STARD9: variants seen among roughly 807,000 people sequenced by gnomAD.
STARD9 encodes the protein StAR related lipid transfer domain containing 9.
In STARD9, 346 loss-of-function variants were observed where a neutral mutation model predicts 399.8. That is an observed-to-expected ratio of 0.87 (90% confidence interval 0.79 to 0.95). STARD9 has a LOEUF of 0.95. STARD9 is among the 40% of genes least tolerant of loss of function. The pLI is 0.00. For missense variants in STARD9, 5,832 were observed against 5,667.5 expected, an observed-to-expected ratio of 1.03 and a Z score of -0.93; for synonymous variants, 2,203 against 2,143.5, an observed-to-expected ratio of 1.03 and a Z score of -0.77.
intron 4 of STARD9, 130 bp downstream of exon 4, chr15:42,635,102 C>T (rs2059394770): frequency 3.8e-6 from 2 of 520,252 alleles, no homozygotes; most frequent in Non-Finnish European, 6.6e-6. Flanking sequence ...GAGCCTTCTT[C>T]TGTTTTAAGA....
At chr15:42,622,274 C>CA (rs1242766780) in intron 3 of STARD9, among the ~76,000 whole-genome samples, 1 of 151,840 alleles carries the variant, frequency 6.6e-6, no homozygotes, top group Non-Finnish European at 1.5e-5. Context: ...CCCTTAAAAA[C>CA]AAAAAACAAA....
At chr15:42,707,424 G>T (rs572375200) in intron 26 of STARD9, among the ~76,000 whole-genome samples, 2 of 151,676 alleles carry the variant, frequency 1.3e-5, no homozygotes, top group South Asian at 4.2e-4. Context: ...TGCAAGACTC[G>T]AAATCAGCAG....
intron 3 of STARD9, among the ~76,000 whole-genome samples, chr15:42,592,747 T>C (rs529460103): frequency 6.6e-6 from 1 of 152,270 alleles, no homozygotes; most frequent in African/African-American, 2.4e-5. Flanking sequence ...CCCAGCCAGC[T>C]TTCCATTCTT....
chr15:42,704,163 G>A (rs1321086033), intron 26 of STARD9, among the ~76,000 whole-genome samples: 1 of 151,982 alleles, frequency 6.6e-6, no homozygotes, highest in African/African-American at 2.4e-5. Flanking sequence ...TGCCTGCCTC[G>A]GCCTCCCAAA....
chr15:42,694,437 G>C (rs2060794094), intron 23 of STARD9, 91 bp from the exon 24 acceptor site: 1 of 1,524,674 alleles, frequency 6.6e-7, no homozygotes, highest in Non-Finnish European at 8.8e-7. Context: ...CCTCTGCCCT[G>C]GTTCATCTCT....
At chr15:42,580,325 C>G (rs1289003765) in intron 1 of STARD9, among the ~76,000 whole-genome samples, 1 of 152,086 alleles carries the variant, frequency 6.6e-6, no homozygotes, top group Non-Finnish European at 1.5e-5. Context: ...TTTTAAAGAC[C>G]CCAAGCCCAG....
At chr15:42,647,104 T>A (rs903312450) in intron 7 of STARD9, among the ~76,000 whole-genome samples, 3 of 152,196 alleles carry the variant, frequency 2.0e-5, no homozygotes, top group African/African-American at 7.2e-5. Context: ...ATAACAGATA[T>A]AATAATAATG....
At chr15:42,707,942 G>A (rs2140367520) in intron 26 of STARD9, among the ~76,000 whole-genome samples, 1 of 151,808 alleles carries the variant, frequency 6.6e-6, no homozygotes, top group Middle Eastern at 3.4e-3. Flanking sequence ...GGGAGGCTGA[G>A]GCAGGAGGAT....
rs1451274243 is a variant in STARD9, at chr15:42,684,798, A to G, written c.3220A>G (p.Thr1074Ala). ...CAGTCCTTTGAAGAGACAACAAAAT[A>G]CAAGGGACCCAGACACCATGGTCCC... ...LGSPLKRQQN[T>A]RDPDTMVPLT... Residue 1074 changes from threonine (T) to alanine (A), a missense_variant, in exon 23 of 33, where the codon ACA (threonine) becomes GCA (alanine). Thr to Ala is a moderately conservative substitution (Grantham distance 58). Transcript: ENST00000290607. 1 of 1,537,116 alleles carries G rather than the reference A, an allele frequency of 6.5e-7. No individual in the cohort carries two copies. The highest frequency in any genetic ancestry group is 1.4e-5 in the African/African-American group (1 of 73,050).
chr15:42,600,716 G>A (rs983029207), intron 3 of STARD9, among the ~76,000 whole-genome samples: 2 of 151,644 alleles, frequency 1.3e-5, no homozygotes, highest in African/African-American at 2.4e-5. Flanking sequence ...GTAAAGATGG[G>A]GTCTCTCCAT....
intron 26 of STARD9, among the ~76,000 whole-genome samples, chr15:42,702,885 G>A (rs946686791): frequency 2.0e-5 from 3 of 152,120 alleles, no homozygotes; most frequent in Admixed American, 6.5e-5. Context: ...GGTTTTTGCC[G>A]AGAAGTCTGC....
At chr15:42,706,807 A>G (rs1008876543) in intron 26 of STARD9, among the ~76,000 whole-genome samples, 2 of 152,302 alleles carry the variant, frequency 1.3e-5, no homozygotes, top group East Asian at 1.9e-4. Context: ...GAAATATCCA[A>G]CTATTCCTAC....
intron 20 of STARD9, among the ~76,000 whole-genome samples, chr15:42,680,491 T>C (rs2060406073): frequency 6.6e-6 from 1 of 151,992 alleles, no homozygotes; most frequent in Admixed American, 6.6e-5. Flanking sequence ...TCCCAGCTAC[T>C]TGGGAGGCTG....
chr15:42,649,929 C>T (rs1305505875), intron 7 of STARD9, among the ~76,000 whole-genome samples: 2 of 143,962 alleles, frequency 1.4e-5, no homozygotes, highest in Non-Finnish European at 3.0e-5. Flanking sequence ...TGCAATGGCG[C>T]GATCTCGACT....
intron 3 of STARD9, among the ~76,000 whole-genome samples, chr15:42,598,132 C>T (rs1050009111): frequency 1.3e-5 from 2 of 151,200 alleles, no homozygotes; most frequent in Non-Finnish European, 2.9e-5. Context: ...TCCGAGTTCA[C>T]GCCATTCTCC....
rs2060730057 is a variant in STARD9, at chr15:42,692,388, C to A, written c.10810C>A (p.Pro3604Thr). 1 of 1,536,834 alleles carries A rather than the reference C, an allele frequency of 6.5e-7. No individual in the cohort carries two copies. The highest frequency in any genetic ancestry group is 2.0e-5 in the Admixed American group (1 of 50,982). ...SGEADCLRSK[P>T]PLAKGSAAGP... ...TGAAGCAGACTGTCTGAGGAGTAAGCCCCCCTTGGCCAAAGGAAGTGCTGC... is the reference window on the plus strand; with the variant it reads ...TGAAGCAGACTGTCTGAGGAGTAAGACCCCCTTGGCCAAAGGAAGTGCTGC... Residue 3604 changes from proline to threonine, a missense_variant, in exon 23 of 33, where the codon CCC becomes ACC. Coordinates refer to ENST00000290607, the MANE Select transcript of STARD9 (RefSeq NM_020759.3).
In STARD9 at chr15:42,691,779, A is replaced by C; in HGVS notation, c.10201A>C (p.Lys3401Gln). ...TGGGACTACCGATCACAGGCACCTG[A>C]AGCCTGCCACCCCTCCTTATCCAAT... ...DDGTTDHRHL[K>Q]PATPPYPMPS... is the part of the protein sequence containing the mutation. The change falls in exon 23 of 33, where the codon AAG becomes CAG. Residue 3401 changes from lysine (K) to glutamine (Q), a missense_variant. Lys to Gln is a moderately conservative substitution (Grantham distance 53). This residue lies in a region of STARD9 where 5,828 missense variants were observed against 5,651.1 expected (regional missense o/e 1.03). Transcript: ENST00000290607. 6.5e-7 allele frequency: 1 copy of C among 1,537,208 alleles called. No homozygotes were observed. Among genetic ancestry groups the C allele is most frequent in the Non-Finnish European group, 8.7e-7 (1 of 1,146,902 alleles).
chr15:42,646,993 G>C (rs1479627888), intron 7 of STARD9, among the ~76,000 whole-genome samples: 1 of 152,192 alleles, frequency 6.6e-6, no homozygotes, highest in African/African-American at 2.4e-5. Context: ...GGAGCAGTCA[G>C]AACATATACA....
chr15:42,715,995 G>A (rs955086022), intron 26 of STARD9, among the ~76,000 whole-genome samples: 2 of 151,968 alleles, frequency 1.3e-5, no homozygotes, highest in African/African-American at 4.8e-5. Context: ...AGGAGATGAG[G>A]GTGGATAGAG....
Sources: gnomAD v4.1 joint callset for allele counts (sites outside exome capture counted in the v4.1 genomes callset) on GRCh38, gnomAD v4.1.1 for gene constraint, gnomAD v4.1.1 regional missense constraint, MANE v1.5 for transcripts, NCBI Gene and HGNC (gene_info 2026-07-23, HGNC 2026-07-21) for gene names.